The following ADAMTS6 variants were observed in gnomAD, a reference collection of about 807,000 sequenced individuals.
ADAMTS6 encodes the protein ADAM metallopeptidase with thrombospondin type 1 motif 6, also known as A disintegrin and metalloproteinase with thrombospondin motifs 6.
ADAMTS6 carries 23 observed loss-of-function variants against 144.3 expected under a neutral mutation model. The observed-to-expected ratio is 0.16, with a 90% CI of 0.11 to 0.23. The LOEUF (loss-of-function observed/expected upper bound fraction) is 0.23. ADAMTS6 is among the 10% of genes least tolerant of loss of function. ADAMTS6 has a pLI of 1.00. For synonymous variants in ADAMTS6, 444 were observed against 457.5 expected, an observed-to-expected ratio of 0.97 and a Z score of 0.38; for missense variants, 999 against 1,379.6, an observed-to-expected ratio of 0.72 and a Z score of 4.37.
chr5:65,337,313 T>C (rs1032747648), intron 7 of ADAMTS6, among the ~76,000 whole-genome samples: 1 of 152,158 alleles, frequency 6.6e-6, no homozygotes, highest in Non-Finnish European at 1.5e-5. Flanking sequence ...AAACTCAAAA[T>C]TGCTTTTAGT....
At chr5:65,444,792 A>G (rs1411338896) in intron 7 of ADAMTS6, among the ~76,000 whole-genome samples, 1 of 151,978 alleles carries the variant, frequency 6.6e-6, no homozygotes, top group African/African-American at 2.4e-5. Flanking sequence ...TTTTTGTTGC[A>G]TATCCTTATA....
At chr5:65,452,023 GAAT>G in intron 6 of ADAMTS6, 107 bp downstream of exon 6, 1 of 885,300 alleles carries the variant, frequency 1.1e-6, no homozygotes, top group Non-Finnish European at 1.6e-6. Flanking sequence ...TATCCAACTA[GAAT>G]TTCCTAATAG....
chr5:65,452,085 A>G (rs371193169), intron 6 of ADAMTS6, 48 bp downstream of exon 6: 46 of 1,369,862 alleles, frequency 3.4e-5, no homozygotes, highest in Non-Finnish European at 4.3e-5. Context: ...CTATAGCTCT[A>G]TAGCCTTCTG....
chr5:65,293,470 T>C (rs1742522068), intron 10 of ADAMTS6, among the ~76,000 whole-genome samples: 2 of 152,092 alleles, frequency 1.3e-5, no homozygotes, highest in African/African-American at 4.8e-5. Flanking sequence ...AATTTTAAAA[T>C]AATTACTTTT....
chr5:65,370,210 C>T (rs571583490), intron 7 of ADAMTS6, among the ~76,000 whole-genome samples: 22 of 152,236 alleles, frequency 1.4e-4, no homozygotes, highest in Admixed American at 3.9e-4. Context: ...GAGTTCGAGA[C>T]CAGCCTGGCC....
intron 22 of ADAMTS6, among the ~76,000 whole-genome samples, chr5:65,174,186 C>T (rs563142614): frequency 1.8e-4 from 28 of 152,244 alleles, no homozygotes; most frequent in East Asian, 3.9e-4. Flanking sequence ...AATAGGAGCT[C>T]GGCTGTTGGA....
At chr5:65,471,251 A>G in intron 2 of ADAMTS6, 109 bp from the exon 3 acceptor site, 1 of 1,103,244 alleles carries the variant, frequency 9.1e-7, no homozygotes, top group Non-Finnish European at 1.2e-6. Flanking sequence ...AATTAAAACT[A>G]TGAATCATTA....
rs572947959 is a variant in ADAMTS6, at chr5:65,150,060, C to T, written c.*1776G>A. On this transcript the variant is annotated 3_prime_UTR_variant, in exon 25 of 25. Coordinates refer to ENST00000381055, the MANE Select transcript of ADAMTS6 (RefSeq NM_197941.4). ...CAAACCTGGGAGTTGTTTAGATTGG[C>T]TTTTGGTGTCTGAGGGTCTGTCTTC... 2 of 152,326 alleles carry T rather than the reference C, an allele frequency of 1.3e-5. No homozygotes were observed. Among genetic ancestry groups the T allele is most frequent in the South Asian group, 4.2e-4 (2 of 4,818 alleles). The allele number at this position is 152,326 out of a possible 1,614,324, so 9.4% of individuals were successfully genotyped here. A position where few individuals can be genotyped will look rare whatever the true frequency, so the allele number is the denominator to read the frequency against.
intron 18 of ADAMTS6, among the ~76,000 whole-genome samples, chr5:65,221,279 A>G (rs1757308025): frequency 6.6e-6 from 1 of 152,234 alleles, no homozygotes; most frequent in Non-Finnish European, 1.5e-5. Flanking sequence ...GCAATATATA[A>G]GAGTAATAAT....
At chr5:65,332,863 C>T (rs761377911) in intron 8 of ADAMTS6, among the ~76,000 whole-genome samples, 2 of 152,082 alleles carry the variant, frequency 1.3e-5, no homozygotes, top group Non-Finnish European at 2.9e-5. Context: ...CTCCATTATG[C>T]TTTTTAACTA....
At chr5:65,432,580 C>A (rs1757077996) in intron 7 of ADAMTS6, among the ~76,000 whole-genome samples, 1 of 151,976 alleles carries the variant, frequency 6.6e-6, no homozygotes, top group South Asian at 2.1e-4. Context: ...TTTTTCGAAT[C>A]TGATCATGTC....
At chr5:65,480,597 T>C (rs911125350) in intron 1 of ADAMTS6, among the ~76,000 whole-genome samples, 10 of 152,134 alleles carry the variant, frequency 6.6e-5, no homozygotes, top group Non-Finnish European at 1.5e-4. Context: ...AAAGAAAGCA[T>C]CAAAGACAGG....
In ADAMTS6 at chr5:65,451,579, A is replaced by G. The variant is rs1758743236; in HGVS notation, c.969T>C (p.Asp323=). Residue 323 remains aspartate, a synonymous_variant, in exon 7 of 25, where the codon GAT becomes GAC. Transcript: ENST00000381055. ...EINHHADKSL[D]SFCKWQKSIL... ...TGGATTTCTGCCATTTACAGAAGCT[A>G]TCGAGGGACTTGTCTGCATGGTGGT... 6.2e-7 allele frequency: 1 copy of G among 1,613,242 alleles called. No individual in the cohort carries two copies. Among genetic ancestry groups the G allele is most frequent in the Non-Finnish European group, 8.5e-7 (1 of 1,179,624 alleles).
At chr5:65,459,933 C>T (rs1384515941) in intron 4 of ADAMTS6, among the ~76,000 whole-genome samples, 1 of 151,936 alleles carries the variant, frequency 6.6e-6, no homozygotes, top group Non-Finnish European at 1.5e-5. Context: ...ATTTTTTTCC[C>T]TTCAACCAAA....
At chr5:65,383,075 T>C (rs1045757250) in intron 7 of ADAMTS6, among the ~76,000 whole-genome samples, 1 of 152,176 alleles carries the variant, frequency 6.6e-6, no homozygotes. Context: ...CAGGACCTAG[T>C]CACCTCCTGA....
chr5:65,477,851 G>A (rs997539513), intron 1 of ADAMTS6, among the ~76,000 whole-genome samples: 2 of 151,648 alleles, frequency 1.3e-5, no homozygotes, highest in African/African-American at 4.9e-5. Flanking sequence ...AAACTGGCCA[G>A]GCATGGTGGC....
chr5:65,273,608 C>T (rs1762226821), intron 11 of ADAMTS6, among the ~76,000 whole-genome samples, 161 bp from the exon 12 acceptor site: 2 of 152,168 alleles, frequency 1.3e-5, no homozygotes, highest in African/African-American at 4.8e-5. Flanking sequence ...TTTTATGAAA[C>T]ATCTTGCAGT....
intron 24 of ADAMTS6, among the ~76,000 whole-genome samples, chr5:65,164,174 G>T (rs1241353732): frequency 6.6e-6 from 1 of 151,830 alleles, no homozygotes; most frequent in Non-Finnish European, 1.5e-5. Flanking sequence ...GTGGGTGCGC[G>T]CACCGTGCGC....
chr5:65,242,262 G>A, intron 14 of ADAMTS6, 56 bp from the exon 15 acceptor site: 2 of 1,332,440 alleles, frequency 1.5e-6, no homozygotes, highest in Non-Finnish European at 2.1e-6. Flanking sequence ...CAAAAGCAAG[G>A]GACAATGTCC....
Sources: allele counts gnomAD v4.1 joint callset (sites outside exome capture counted in the v4.1 genomes callset), GRCh38; gene constraint gnomAD v4.1.1; transcripts MANE v1.5; gene names NCBI Gene and HGNC (gene_info 2026-07-23, HGNC 2026-07-21).